MTUS2: variants seen among roughly 807,000 people sequenced by gnomAD.
The protein encoded by MTUS2 is microtubule associated scaffold protein 2, also known as microtubule-associated tumor suppressor candidate 2.
In MTUS2, 40 loss-of-function variants were observed where a neutral mutation model predicts 114.1. The observed-to-expected ratio is 0.35, with a 90% confidence interval of 0.27 to 0.46. The LOEUF is 0.46. MTUS2 is among the 20% of genes least tolerant of loss of function. MTUS2 has a pLI of 1.00. For missense variants in MTUS2, 1,679 were observed against 1,705.4 expected (o/e 0.98, Z 0.27); for synonymous variants, 688 against 672.0 (o/e 1.02, Z -0.37).
At position 29,478,422 on chromosome 13, in the gene MTUS2, C is replaced by T. The variant is rs995705030; in HGVS notation, c.3185-1728C>T. 9.2e-5 allele frequency among the ~76,000 whole-genome samples: 14 copies of T among 152,220 alleles called. No individual in the cohort carries two copies. The South Asian group carries it at 2.9e-3, about 32-fold the overall frequency. On this transcript the variant is annotated intron_variant, in intron 9 of 15. Coordinates refer to ENST00000612955, the MANE Select transcript of MTUS2 (RefSeq NM_001033602.4). ...TTACTCTCAAATGGTTCCAATTATA[C>T]AATAATGTCCTTGTACTGTACTTCT...
chr13:29,191,599 G>C (rs1894452457), intron 5 of MTUS2, among the ~76,000 whole-genome samples: 1 of 152,102 alleles, frequency 6.6e-6, no homozygotes, highest in South Asian at 2.1e-4. Flanking sequence ...CTGTGTCCAA[G>C]AGACCATCTG....
intron 5 of MTUS2, among the ~76,000 whole-genome samples, chr13:29,177,318 A>G (rs1201030062): frequency 6.6e-6 from 1 of 151,000 alleles, no homozygotes; most frequent in Admixed American, 6.6e-5. Context: ...GGAAGTGTAT[A>G]TAGATGAAAA....
intron 4 of MTUS2, among the ~76,000 whole-genome samples, chr13:29,083,149 GT>G (rs560253752): frequency 1.8e-4 from 28 of 152,308 alleles, no homozygotes; most frequent in African/African-American, 6.7e-4. Context: ...GTTCCCTGCA[GT>G]TTACCAGGTA....
At chr13:28,993,172 A>T (rs982247519) in intron 2 of MTUS2, among the ~76,000 whole-genome samples, 1 of 152,214 alleles carries the variant, frequency 6.6e-6, no homozygotes, top group African/African-American at 2.4e-5. Flanking sequence ...CATTTTAGCT[A>T]TTGTGACTAA....
chr13:29,328,884 T>C (rs910172438), intron 7 of MTUS2, among the ~76,000 whole-genome samples: 7 of 152,196 alleles, frequency 4.6e-5, no homozygotes, highest in African/African-American at 1.7e-4. Flanking sequence ...CTGCTATCTG[T>C]CATGTTATGC....
intron 5 of MTUS2, among the ~76,000 whole-genome samples, chr13:29,220,060 A>C (rs1281982448): frequency 6.6e-6 from 1 of 151,874 alleles, no homozygotes; most frequent in Non-Finnish European, 1.5e-5. Flanking sequence ...CAATGGCACA[A>C]TCTCTGCTCA....
intron 8 of MTUS2, among the ~76,000 whole-genome samples, chr13:29,385,800 A>G (rs1463453661): frequency 6.6e-6 from 1 of 152,206 alleles, no homozygotes; most frequent in Non-Finnish European, 1.5e-5. Context: ...CTTGTTTGCC[A>G]AAATGGAAGG....
chr13:29,172,075 G>A (rs1893586075), intron 5 of MTUS2, among the ~76,000 whole-genome samples: 2 of 152,312 alleles, frequency 1.3e-5, no homozygotes, highest in East Asian at 1.9e-4. Context: ...GAAACAACCA[G>A]CTGTCTCCGC....
intron 2 of MTUS2, among the ~76,000 whole-genome samples, chr13:28,903,477 T>C (rs1879777155): frequency 7.0e-6 from 1 of 142,538 alleles, no homozygotes; most frequent in African/African-American, 2.6e-5. Context: ...TGTGTTCTCA[T>C]TGTTCAATTC....
At chr13:29,410,341 G>A (rs898429457) in intron 8 of MTUS2, among the ~76,000 whole-genome samples, 3 of 152,126 alleles carry the variant, frequency 2.0e-5, no homozygotes, top group East Asian at 1.9e-4. Flanking sequence ...TGGCCAGGCT[G>A]GTCTTGAACT....
intron 5 of MTUS2, among the ~76,000 whole-genome samples, chr13:29,242,039 G>A (rs1896752456): frequency 2.0e-5 from 3 of 152,090 alleles, no homozygotes; most frequent in African/African-American, 7.2e-5. Flanking sequence ...TGTTTAGAGA[G>A]TTTTAAAAGT....
intron 2 of MTUS2, among the ~76,000 whole-genome samples, chr13:28,851,865 T>C (rs544029439): frequency 9.2e-5 from 14 of 152,268 alleles, no homozygotes; most frequent in African/African-American, 3.1e-4. Context: ...GCGGGTGGCA[T>C]TGTAGGTGTG....
chr13:29,148,883 T>C (rs1444312839), intron 5 of MTUS2, among the ~76,000 whole-genome samples: 1 of 152,184 alleles, frequency 6.6e-6, no homozygotes, highest in African/African-American at 2.4e-5. Flanking sequence ...TATGGCTGCA[T>C]AGTATTCCAT....
chr13:29,490,866 G>C (rs1156313854), intron 11 of MTUS2, among the ~76,000 whole-genome samples: 1 of 152,242 alleles, frequency 6.6e-6, no homozygotes, highest in African/African-American at 2.4e-5. Flanking sequence ...AAGAAAATAG[G>C]ATTTAATGTT....
chr13:29,286,690 C>CTATCTATCTATCTATA (rs1898504563), intron 6 of MTUS2, among the ~76,000 whole-genome samples: 1 of 151,880 alleles, frequency 6.6e-6, no homozygotes, highest in African/African-American at 2.4e-5. Flanking sequence ...ATCTATCTAT[C>CTATCTATCTATCTATA]TATCTATCTT....
At chr13:29,414,467 T>C (rs9506179) in intron 8 of MTUS2, among the ~76,000 whole-genome samples, 1 of 42,448 alleles carries the variant, frequency 2.4e-5, no homozygotes. Flanking sequence ...AAAAAAAAAA[T>C]TAAAAAAAAA....
intron 3 of MTUS2, among the ~76,000 whole-genome samples, chr13:29,028,856 C>G (rs1365576784): frequency 6.6e-6 from 1 of 152,132 alleles, no homozygotes; most frequent in East Asian, 1.9e-4. Flanking sequence ...ATAACTGAAT[C>G]ATGAACTCCA....
At position 29,428,598 on chromosome 13, in the gene MTUS2, T is replaced by TGCC; in HGVS notation, c.3118-11385_3118-11384insGCC. The TGCC allele has an allele frequency of 3.9e-5, 6 of 155,458 alleles. 2 individuals are homozygous for TGCC. The highest frequency in any genetic ancestry group is 6.8e-5 in the Non-Finnish European group (5 of 73,512). The allele number at this position is 155,458 out of a possible 1,614,324, so 9.6% of individuals were successfully genotyped here. A position where few individuals can be genotyped will look rare whatever the true frequency, so the allele number is the denominator to read the frequency against. ...CCTGCCTGTCCCCTCCCTTCCTGGCTCCCGCCCGCCCTCCCTCCCGCAGCA... is the reference window on the plus strand; with the variant it reads ...CCTGCCTGTCCCCTCCCTTCCTGGCTGCCCCCGCCCGCCCTCCCTCCCGCAGCA... On this transcript the variant is annotated intron_variant, in intron 8 of 15. Transcript: ENST00000612955.
chr13:29,030,685 A>T (rs1403301820), intron 3 of MTUS2, among the ~76,000 whole-genome samples: 1 of 152,132 alleles, frequency 6.6e-6, no homozygotes, highest in African/African-American at 2.4e-5. Flanking sequence ...CACATTTTTG[A>T]TAATGTGTTG....
Sources: allele counts gnomAD v4.1 joint callset (sites outside exome capture counted in the v4.1 genomes callset), GRCh38; gene constraint gnomAD v4.1.1; transcripts MANE v1.5; gene names NCBI Gene and HGNC (gene_info 2026-07-23, HGNC 2026-07-21).